The following SRBD1 variants were observed in gnomAD, a reference collection of about 807,000 sequenced individuals.
SRBD1 encodes the protein S1 RNA binding domain 1.
In SRBD1, 88 loss-of-function variants were observed where a neutral mutation model predicts 115.3. The observed-to-expected ratio is 0.76, with a 90% CI of 0.64 to 0.91. The LOEUF is 0.91. SRBD1 is among the 40% of genes least tolerant of loss of function. The pLI, the probability that SRBD1 is intolerant of heterozygous loss-of-function variation, is 0.00. For synonymous variants in SRBD1, 509 were observed against 407.7 expected (o/e 1.25, Z -2.99); for missense variants, 1,385 against 1,177.4 (o/e 1.18, Z -2.58).
intron 15 of SRBD1, among the ~76,000 whole-genome samples, chr2:45,483,459 A>G (rs1670025323): frequency 6.6e-6 from 1 of 152,114 alleles, no homozygotes; most frequent in Non-Finnish European, 1.5e-5. Context: ...GTAGCCTTGA[A>G]AGCAACATTT....
intron 14 of SRBD1, among the ~76,000 whole-genome samples, chr2:45,497,134 G>A (rs1482782334): frequency 6.6e-6 from 1 of 152,092 alleles, no homozygotes; most frequent in Non-Finnish European, 1.5e-5. Context: ...TTCCTTTCAA[G>A]GATCTAAACT....
chr2:45,518,873 A>G (rs1004749351), intron 14 of SRBD1, among the ~76,000 whole-genome samples: 14 of 152,050 alleles, frequency 9.2e-5, no homozygotes, highest in African/African-American at 3.4e-4. Context: ...TGGTTTGTAC[A>G]AGTAAAAAAA....
chr2:45,567,620 A>G (rs890079557), intron 9 of SRBD1, among the ~76,000 whole-genome samples: 13 of 152,160 alleles, frequency 8.5e-5, no homozygotes, highest in Non-Finnish European at 1.3e-4. Flanking sequence ...GAAAAAAAAA[A>G]AAAAGTAAGC....
intron 17 of SRBD1, 129 bp downstream of exon 17, chr2:45,419,659 A>C (rs1667937191): frequency 1.5e-6 from 1 of 683,816 alleles, no homozygotes; most frequent in Non-Finnish European, 2.6e-6. Flanking sequence ...TACTTAAAGC[A>C]ATGTATAAAC....
chr2:45,389,304 G>A lies in SRBD1; in HGVS notation c.*6C>T, dbSNP rs988744415. On this transcript the variant is annotated 3_prime_UTR_variant, in exon 21 of 21. Transcript: ENST00000263736. ...ATAAAATCAGCGTCTGGCCTTCGTG[G>A]GATACTCATAACACCCGAATGAGGT... 6.2e-7 allele frequency: 1 copy of A among 1,608,988 alleles called. No homozygotes were observed. Among genetic ancestry groups the A allele is most frequent in the African/African-American group, 1.3e-5 (1 of 74,596 alleles).
chr2:45,585,655 A>G lies in SRBD1; in HGVS notation c.768T>C (p.Leu256=), dbSNP rs1441955728. The stretch of plus-strand genomic sequence containing the variant: ...GAACTTCTCTCAAGGAATCAGCATC[A>G]AGGTTATTAATGAGCTCTTTTCTAT... The part of the protein sequence containing the change: ...IRYRKELINN[L]DADSLREVQQ... The change falls in exon 5 of 21, where the codon CTT becomes CTC. Residue 256 remains leucine (L), a synonymous_variant. Coordinates refer to ENST00000263736, the MANE Select transcript of SRBD1 (RefSeq NM_018079.5). 1.2e-6 allele frequency: 2 copies of G among 1,612,240 alleles called. No individual in the cohort carries two copies. The highest frequency in any genetic ancestry group is 1.7e-6 in the Non-Finnish European group (2 of 1,179,524).
At chr2:45,471,961 C>T (rs1278833979) in intron 16 of SRBD1, among the ~76,000 whole-genome samples, 1 of 151,848 alleles carries the variant, frequency 6.6e-6, no homozygotes, top group African/African-American at 2.4e-5. Context: ...AATAAATGAC[C>T]CAGCAAATCC....
chr2:45,418,901 A>G (rs1667916982), intron 17 of SRBD1, among the ~76,000 whole-genome samples: 2 of 152,206 alleles, frequency 1.3e-5, no homozygotes, highest in Non-Finnish European at 2.9e-5. Flanking sequence ...CAGCATACAT[A>G]CAAAGTGAGT....
intron 14 of SRBD1, among the ~76,000 whole-genome samples, chr2:45,525,048 T>G (rs1671399912): frequency 6.6e-6 from 1 of 151,954 alleles, no homozygotes; most frequent in African/African-American, 2.4e-5. Context: ...AAGAACAGTC[T>G]TTTCAACAAA....
chr2:45,424,210 C>A (rs1218579787), intron 16 of SRBD1, among the ~76,000 whole-genome samples: 3 of 152,126 alleles, frequency 2.0e-5, no homozygotes, highest in Non-Finnish European at 4.4e-5. Context: ...TGACATACTG[C>A]ATTTAGTTGC....
In SRBD1 at chr2:45,426,386, A is replaced by T. The variant is rs185714870; in HGVS notation, c.2050-6492T>A. On this transcript the variant is annotated intron_variant, in intron 16 of 20. Transcript: ENST00000263736. ...TAGATAAAACTCCCATCTCCCTGGG[A>T]CAGAGCACCTGGCGGAAGGCGTGGC... Among the ~76,000 whole-genome samples, 78 of 152,288 alleles carry T rather than the reference A, an allele frequency of 5.1e-4. No individual in the cohort carries two copies. In the East Asian group the frequency reaches 0.015, roughly 29 times the overall value.
intron 14 of SRBD1, among the ~76,000 whole-genome samples, chr2:45,497,292 G>A (rs1670488871): frequency 6.6e-6 from 1 of 152,162 alleles, no homozygotes; most frequent in Non-Finnish European, 1.5e-5. Context: ...TGAAAGGCCA[G>A]TTTATTTTTA....
In SRBD1 at chr2:45,598,729, AG is replaced by A. The variant is rs1673986287; in HGVS notation, c.648+719del. On this transcript the variant is annotated intron_variant, in intron 4 of 20. Transcript: ENST00000263736. Reference sequence around the variant, plus strand: ...GAATCAGGATCCAGCAGAGGCCCTCAGCTCTACAGCCACAATCATAGCAAGG... The same window carrying A: ...GAATCAGGATCCAGCAGAGGCCCTCACTCTACAGCCACAATCATAGCAAGG... 2.0e-5 allele frequency among the ~76,000 whole-genome samples: 3 copies of A among 152,206 alleles called. No individual in the cohort carries two copies. In the South Asian group the frequency reaches 6.2e-4, roughly 31 times the overall value.
chr2:45,500,952 G>A (rs1670613012), intron 14 of SRBD1, among the ~76,000 whole-genome samples: 1 of 152,162 alleles, frequency 6.6e-6, no homozygotes, highest in African/African-American at 2.4e-5. Flanking sequence ...AGGCATACTT[G>A]TCTTGTTCTG....
chr2:45,539,286 G>C (rs1671859617), intron 14 of SRBD1, among the ~76,000 whole-genome samples: 1 of 151,910 alleles, frequency 6.6e-6, no homozygotes, highest in Non-Finnish European at 1.5e-5. Context: ...TTCTGAAGCT[G>C]ACTTTCAGCT....
intron 16 of SRBD1, among the ~76,000 whole-genome samples, chr2:45,467,076 A>C (rs572201453): frequency 1.3e-5 from 2 of 152,238 alleles, no homozygotes; most frequent in Non-Finnish European, 2.9e-5. Flanking sequence ...CACAGACTAC[A>C]GGGTCCAATC....
chr2:45,606,900 G>T (rs1674291317), intron 1 of SRBD1, among the ~76,000 whole-genome samples: 1 of 152,152 alleles, frequency 6.6e-6, no homozygotes, highest in African/African-American at 2.4e-5. Flanking sequence ...AATGCCTCTG[G>T]TTCTAACATC....
At chr2:45,408,142 A>C (rs1667490073) in intron 19 of SRBD1, among the ~76,000 whole-genome samples, 1 of 152,218 alleles carries the variant, frequency 6.6e-6, no homozygotes, top group East Asian at 1.9e-4. Context: ...AAATTCTTTT[A>C]ATAGAACTGA....
intron 5 of SRBD1, among the ~76,000 whole-genome samples, chr2:45,583,903 T>C (rs1311972630): frequency 1.3e-5 from 2 of 152,170 alleles, no homozygotes; most frequent in African/African-American, 4.8e-5. Flanking sequence ...TCTTTTGCAA[T>C]AGAAGGGTTT....
Sources: allele counts gnomAD v4.1 joint callset (sites outside exome capture counted in the v4.1 genomes callset), GRCh38; gene constraint gnomAD v4.1.1; transcripts MANE v1.5; gene names NCBI Gene and HGNC (gene_info 2026-07-23, HGNC 2026-07-21).